The following PCLO variants were observed in gnomAD, a reference collection of about 807,000 sequenced individuals.
The protein encoded by PCLO is protein piccolo.
A neutral mutation model predicts 427.5 loss-of-function variants in PCLO; 82 were observed. That is an observed-to-expected ratio of 0.19 (90% CI 0.16 to 0.23). The LOEUF (loss-of-function observed/expected upper bound fraction) is 0.23. Among genes scored for constraint, PCLO ranks in the 10% least tolerant of loss-of-function variants. The pLI, the probability that PCLO is intolerant of heterozygous loss-of-function variation, is 1.00. For missense variants in PCLO, 6,239 were observed against 6,115.9 expected (o/e 1.02, Z -0.67); for synonymous variants, 2,357 against 2,155.4 (o/e 1.09, Z -2.59).
At chr7:82,796,988 T>G (rs1791237038) in intron 22 of PCLO, among the ~76,000 whole-genome samples, 1 of 151,820 alleles carries the variant, frequency 6.6e-6, no homozygotes, top group Non-Finnish European at 1.5e-5. Context: ...GACAGCAAGG[T>G]CACATATTTG....
chr7:83,000,894 A>C (rs1388486142), intron 3 of PCLO, among the ~76,000 whole-genome samples: 1 of 152,086 alleles, frequency 6.6e-6, no homozygotes, highest in Non-Finnish European at 1.5e-5. Flanking sequence ...TAATAGTAAT[A>C]ATGTATTCAA....
At chr7:83,107,713 A>AAAAAAGAAAGAACTGGCCG (rs1562967491) in intron 3 of PCLO, among the ~76,000 whole-genome samples, 1 of 126,868 alleles carries the variant, frequency 7.9e-6, no homozygotes, top group Non-Finnish European at 2.0e-5. Flanking sequence ...AGAAGAGAAT[A>AAAAAAGAAAGAACTGGCCG]TGTGCGGTGG....
intron 3 of PCLO, among the ~76,000 whole-genome samples, chr7:83,020,901 C>A (rs1453154014): frequency 6.6e-6 from 1 of 152,090 alleles, no homozygotes; most frequent in East Asian, 1.9e-4. Flanking sequence ...TGTTTGTCAC[C>A]TATTGTCTCA....
chr7:83,154,122 C>A (rs1792206574), intron 2 of PCLO, among the ~76,000 whole-genome samples: 1 of 152,144 alleles, frequency 6.6e-6, no homozygotes, highest in Admixed American at 6.6e-5. Flanking sequence ...ATTAAGGCTA[C>A]CCAGATTCAA....
chr7:82,853,546 A>G (rs943202823), intron 10 of PCLO, among the ~76,000 whole-genome samples: 2 of 152,204 alleles, frequency 1.3e-5, no homozygotes, highest in African/African-American at 2.4e-5. Flanking sequence ...TTTAAACCCA[A>G]TAACTATAGG....
In PCLO at chr7:82,909,032, C is replaced by T. The variant is rs114804838; in HGVS notation, c.13301-19G>A. 1.1e-3 allele frequency: 1,803 copies of T among 1,611,350 alleles called. 23 individuals are homozygous for T. The African/African-American group carries it at 0.021, about 19-fold the overall frequency. ...TGATAGGCTTTGGACACCAAGGAAA[C>T]ATCATACATTGCAACGGCAAGTAAT... On this transcript the variant is annotated intron_variant, in intron 7 of 24. Transcript: ENST00000333891.
chr7:82,986,384 G>C (rs1329230873), intron 3 of PCLO, among the ~76,000 whole-genome samples: 1 of 151,766 alleles, frequency 6.6e-6, no homozygotes, highest in Non-Finnish European at 1.5e-5. Flanking sequence ...GGATTTTTTT[G>C]TAAGTCCAAA....
intron 3 of PCLO, among the ~76,000 whole-genome samples, chr7:83,069,105 C>T (rs957951315): frequency 1.3e-5 from 2 of 152,038 alleles, no homozygotes; most frequent in Admixed American, 6.6e-5. Context: ...AAATTTCAAT[C>T]GTAAGAGAAA....
chr7:83,094,016 A>T (rs1790462049), intron 3 of PCLO, among the ~76,000 whole-genome samples: 1 of 151,702 alleles, frequency 6.6e-6, no homozygotes, highest in African/African-American at 2.4e-5. Context: ...CATTTTCATC[A>T]CCACAATGAC....
intron 20 of PCLO, among the ~76,000 whole-genome samples, chr7:82,807,926 A>C (rs1451434795): frequency 2.0e-5 from 3 of 151,946 alleles, no homozygotes; most frequent in Non-Finnish European, 2.9e-5. Flanking sequence ...TATTTTCTTT[A>C]TTTTATGTAG....
chr7:82,974,890 T>G (rs936294199), intron 3 of PCLO, among the ~76,000 whole-genome samples: 23 of 152,018 alleles, frequency 1.5e-4, no homozygotes, highest in Non-Finnish European at 2.9e-5. Flanking sequence ...GCCATTCTCC[T>G]GCCTCAGCCT....
Position 83,010,831 on chromosome 7 carries a change from T to C in PCLO, c.3301-44344A>G, listed in dbSNP as rs1337988616. 2.0e-5 allele frequency among the ~76,000 whole-genome samples: 3 copies of C among 152,004 alleles called. 1 individual carries two copies. Among genetic ancestry groups the C allele is most frequent in the Admixed American group, 1.3e-4 (2 of 15,212 alleles). ...AAAGAATAAATCTCTAAATCTTTTT[T>C]CCAATAAATCCTTCAATAATTTATT... is the stretch of plus-strand genomic sequence containing the variant. On this transcript the variant is annotated intron_variant, in intron 3 of 24. Coordinates refer to ENST00000333891, the MANE Select transcript of PCLO (RefSeq NM_033026.6).
chr7:82,950,396 G>T lies in PCLO; in HGVS notation c.10192C>A (p.Pro3398Thr). The T allele has an allele frequency of 1.2e-6, 2 of 1,613,580 alleles. No homozygotes were observed. Among genetic ancestry groups the T allele is most frequent in the Non-Finnish European group, 1.7e-6 (2 of 1,179,808 alleles). The change falls in exon 6 of 25, where the codon CCT (proline) becomes ACT (threonine). Residue 3398 changes from proline (P) to threonine (T), a missense_variant. By Grantham distance (38) the Pro-to-Thr change is conservative (BLOSUM62 -1). Coordinates refer to ENST00000333891, the MANE Select transcript of PCLO (RefSeq NM_033026.6). ...TCTTTCACAACAACATCTGTTAGAGGTATTTCTGAAACAGTGCTCAGGATA... is the reference window on the plus strand; with the variant it reads ...TCTTTCACAACAACATCTGTTAGAGTTATTTCTGAAACAGTGCTCAGGATA... ...PGILSTVSEIPLTDVVVKEEK... is the reference protein window; with the variant it reads ...PGILSTVSEITLTDVVVKEEK...
intron 3 of PCLO, among the ~76,000 whole-genome samples, chr7:83,121,762 T>C (rs1293471528): frequency 2.0e-5 from 3 of 152,104 alleles, no homozygotes; most frequent in East Asian, 3.9e-4. Context: ...GAGAAAAGTA[T>C]GAAAAGAATC....
chr7:83,029,082 A>G (rs943293301), intron 3 of PCLO, among the ~76,000 whole-genome samples: 3 of 152,050 alleles, frequency 2.0e-5, no homozygotes, highest in African/African-American at 7.2e-5. Context: ...CAAAAGCAAC[A>G]GCAACAGAAG....
At chr7:82,885,389 A>G (rs1052305214) in intron 9 of PCLO, among the ~76,000 whole-genome samples, 1 of 152,176 alleles carries the variant, frequency 6.6e-6, no homozygotes, top group African/African-American at 2.4e-5. Context: ...AGCTCCAGAA[A>G]GGGATACAGC....
At chr7:82,973,931 A>G (rs1038185935) in intron 3 of PCLO, among the ~76,000 whole-genome samples, 1 of 152,124 alleles carries the variant, frequency 6.6e-6, no homozygotes, top group Non-Finnish European at 1.5e-5. Flanking sequence ...AAATTCATAT[A>G]CTTTTTTCTG....
In PCLO at chr7:83,156,261, C is replaced by T; in HGVS notation, c.380G>A (p.Gly127Glu). The change falls in exon 2 of 25, where the codon GGG (glycine) becomes GAG (glutamate). Residue 127 changes from glycine (G) to glutamate (E), a missense_variant. Gly to Glu is a moderately conservative substitution (Grantham distance 98). Around this residue, in one of 5 missense-constraint regions of PCLO, gnomAD observed 4,677 missense variants for 4,468.4 expected, o/e 1.05. Coordinates refer to ENST00000333891, the MANE Select transcript of PCLO (RefSeq NM_033026.6). ...DTFRSEQKLP[G>E]RSPSTISLKE... ...CAAGCTAATAGTGGAAGGACTCCTC[C>T]CAGGCAATTTCTGCTCTGACCTGAA... The T allele has an allele frequency of 6.2e-7, 1 of 1,613,680 alleles. No homozygotes were observed.
intron 3 of PCLO, among the ~76,000 whole-genome samples, chr7:83,076,576 T>C (rs147182257): frequency 0.013 from 1,901 of 151,914 alleles, 48 homozygotes; most frequent in African/African-American, 0.042. Context: ...AAATTTCACT[T>C]CTTAAAACCT....
Sources: allele counts gnomAD v4.1 joint callset (sites outside exome capture counted in the v4.1 genomes callset), GRCh38; gene constraint gnomAD v4.1.1; regional missense constraint gnomAD v4.1.1; transcripts MANE v1.5; gene names NCBI Gene and HGNC (gene_info 2026-07-23, HGNC 2026-07-21).